Variants in PHACTR1 observed in about 807,000 individuals in gnomAD.
PHACTR1 encodes RPEL repeat containing 1.
A neutral mutation model predicts 69.2 loss-of-function variants in PHACTR1; 16 were observed. The ratio of observed to expected loss-of-function variants is 0.23; its 90% confidence interval spans 0.16 to 0.35. PHACTR1 has a LOEUF of 0.35. Among genes scored for constraint, PHACTR1 ranks in the 10% least tolerant of loss-of-function variants. The probability of loss-of-function intolerance (pLI) is 1.00; values close to 1 mark genes in which losing one functional copy is unlikely to be tolerated. For missense variants in PHACTR1, 510 were observed against 734.7 expected, an observed-to-expected ratio of 0.69 and a Z score of 3.54; for synonymous variants, 312 against 284.5, an observed-to-expected ratio of 1.10 and a Z score of -0.97.
chr6:13,087,358 T>C (rs1211752031), intron 5 of PHACTR1, among the ~76,000 whole-genome samples: 1 of 151,534 alleles, frequency 6.6e-6, no homozygotes, highest in East Asian at 1.9e-4. Context: ...AGCTCCTTAA[T>C]CATTTTATTG....
intron 8 of PHACTR1, among the ~76,000 whole-genome samples, chr6:13,213,738 C>A (rs371714309): frequency 6.6e-6 from 1 of 152,220 alleles, no homozygotes; most frequent in Non-Finnish European, 1.5e-5. Context: ...GAGCGTGCCG[C>A]GTTTCTCCCA....
intron 4 of PHACTR1, among the ~76,000 whole-genome samples, chr6:12,970,783 C>T (rs1794107695): frequency 6.6e-6 from 1 of 152,136 alleles, no homozygotes; most frequent in South Asian, 2.1e-4. Context: ...AACAAAAAGC[C>T]ATTTTTATTT....
chr6:13,086,585 T>C (rs558194593), intron 5 of PHACTR1, among the ~76,000 whole-genome samples: 40 of 152,188 alleles, frequency 2.6e-4, no homozygotes, highest in Non-Finnish European at 4.1e-4. Flanking sequence ...AATGGAATTA[T>C]GTAGCACGTA....
rs552140241 is a variant in PHACTR1 at position 13,047,520 on chromosome 6, A to G, written c.251-5845A>G. 2.0e-5 allele frequency among the ~76,000 whole-genome samples: 3 copies of G among 152,212 alleles called. No individual in the cohort carries two copies. In the South Asian group the frequency reaches 6.2e-4, roughly 32 times the overall value. ...AGGTATATAACCCCTTCTAATTACA[A>G]GCAAAAGCGAAGGTTATCAGATCCT... On this transcript the variant is annotated intron_variant, in intron 4 of 14. Transcript: ENST00000332995.
chr6:12,902,953 C>T (rs895964425), intron 4 of PHACTR1, among the ~76,000 whole-genome samples: 1 of 152,178 alleles, frequency 6.6e-6, no homozygotes, highest in African/African-American at 2.4e-5. Context: ...CCAACCGGCC[C>T]CTTGTGACTG....
At chr6:13,101,215 T>A (rs1815099972) in intron 5 of PHACTR1, among the ~76,000 whole-genome samples, 1 of 152,224 alleles carries the variant, frequency 6.6e-6, no homozygotes, top group South Asian at 2.1e-4. Flanking sequence ...CAGCCCATGA[T>A]GAAAGGCCAA....
chr6:13,173,616 A>G (rs1307176996), intron 6 of PHACTR1, among the ~76,000 whole-genome samples: 1 of 152,224 alleles, frequency 6.6e-6, no homozygotes, highest in Non-Finnish European at 1.5e-5. Flanking sequence ...TTTACTGACT[A>G]TCGGGGCAAC....
At chr6:12,934,007 C>A in intron 4 of PHACTR1, 1 of 1,484,292 alleles carries the variant, frequency 6.7e-7, no homozygotes, top group East Asian at 2.4e-5. Context: ...AAAACAATAT[C>A]AATTTGCTCT....
chr6:12,943,346 G>A (rs1389122057), intron 4 of PHACTR1, among the ~76,000 whole-genome samples: 2 of 152,180 alleles, frequency 1.3e-5, no homozygotes, highest in Admixed American at 6.5e-5. Context: ...TTACCAGGGG[G>A]CTAAGGAAAA....
At chr6:13,063,228 C>T (rs1178639052) in intron 5 of PHACTR1, among the ~76,000 whole-genome samples, 2 of 152,060 alleles carry the variant, frequency 1.3e-5, no homozygotes, top group Non-Finnish European at 2.9e-5. Context: ...AAGGTTATGT[C>T]TTAAAGGGAA....
intron 5 of PHACTR1, among the ~76,000 whole-genome samples, chr6:13,103,948 G>A (rs1815621518): frequency 6.6e-6 from 1 of 152,204 alleles, no homozygotes; most frequent in Non-Finnish European, 1.5e-5. Context: ...GTTGGGCATG[G>A]TGGCACGCAC....
At chr6:13,224,313 T>C (rs544180075) in intron 8 of PHACTR1, among the ~76,000 whole-genome samples, 1 of 152,162 alleles carries the variant, frequency 6.6e-6, no homozygotes, top group Admixed American at 6.5e-5. Context: ...CTGAGACAAG[T>C]ATTGAGAGAG....
At chr6:13,101,747 G>A (rs1293191277) in intron 5 of PHACTR1, among the ~76,000 whole-genome samples, 1 of 152,152 alleles carries the variant, frequency 6.6e-6, no homozygotes, top group Non-Finnish European at 1.5e-5. Flanking sequence ...TGAATAAGTA[G>A]GAGAGGACAA....
chr6:12,889,293 T>C (rs1783939323), intron 4 of PHACTR1, among the ~76,000 whole-genome samples: 1 of 151,966 alleles, frequency 6.6e-6, no homozygotes, highest in East Asian at 1.9e-4. Context: ...ATAAAATCAG[T>C]GGGATGGAGT....
At chr6:13,102,658 G>A (rs1201381702) in intron 5 of PHACTR1, among the ~76,000 whole-genome samples, 1 of 152,104 alleles carries the variant, frequency 6.6e-6, no homozygotes, top group Non-Finnish European at 1.5e-5. Flanking sequence ...TAGACTGTGT[G>A]GGACCTCAAG....
At chr6:12,951,747 G>C (rs1053177811) in intron 4 of PHACTR1, among the ~76,000 whole-genome samples, 1 of 152,204 alleles carries the variant, frequency 6.6e-6, no homozygotes, top group African/African-American at 2.4e-5. Flanking sequence ...GGCTATCCCA[G>C]GCTCCAGAGC....
chr6:13,134,231 C>T (rs1198355137), intron 5 of PHACTR1, among the ~76,000 whole-genome samples: 34 of 151,812 alleles, frequency 2.2e-4, no homozygotes, highest in African/African-American at 7.2e-4. Flanking sequence ...CCCCGCCAGC[C>T]GCCCTGTCCG....
chr6:12,777,012 C>T (rs1472070861), intron 4 of PHACTR1, among the ~76,000 whole-genome samples: 1 of 152,102 alleles, frequency 6.6e-6, no homozygotes, highest in African/African-American at 2.4e-5. Context: ...AAAATACACT[C>T]ATGTTCAAGG....
intron 4 of PHACTR1, among the ~76,000 whole-genome samples, chr6:12,922,315 A>G (rs1437827071): frequency 6.6e-6 from 1 of 152,218 alleles, no homozygotes; most frequent in African/African-American, 2.4e-5. Flanking sequence ...AATGTTTAGC[A>G]AAAGCATGTA....
Sources: allele counts gnomAD v4.1 joint callset (sites outside exome capture counted in the v4.1 genomes callset), GRCh38; gene constraint gnomAD v4.1.1; transcripts MANE v1.5; gene names NCBI Gene and HGNC (gene_info 2026-07-23, HGNC 2026-07-21).